The following PTCHD4 variants were observed in gnomAD, a reference collection of about 807,000 sequenced individuals.
The protein encoded by PTCHD4 is patched domain-containing protein 4.
PTCHD4 carries 33 observed loss-of-function variants against 58.1 expected under a neutral mutation model. That is an observed-to-expected ratio of 0.57 (90% CI 0.43 to 0.76). PTCHD4 has a LOEUF of 0.76. Ranked by LOEUF, PTCHD4 falls within the 30% of genes least tolerant of loss-of-function variation. The pLI is 0.00. For synonymous variants in PTCHD4, 478 were observed against 409.6 expected, an observed-to-expected ratio of 1.17 and a Z score of -2.02; for missense variants, 1,058 against 1,027.1, an observed-to-expected ratio of 1.03 and a Z score of -0.41.
intron 4 of PTCHD4, among the ~76,000 whole-genome samples, chr6:47,947,248 T>G (rs1766458654): frequency 1.3e-5 from 2 of 152,176 alleles, no homozygotes; most frequent in South Asian, 4.1e-4. Context: ...AAAGAAAATT[T>G]TATATTGATA....
intron 3 of PTCHD4, among the ~76,000 whole-genome samples, chr6:48,067,061 T>G (rs1230035291): frequency 1.3e-5 from 2 of 152,218 alleles, no homozygotes; most frequent in African/African-American, 4.8e-5. Context: ...AAAAAAATTT[T>G]TTTCTTCTTT....
chr6:47,980,127 T>G (rs911362347), intron 4 of PTCHD4, among the ~76,000 whole-genome samples: 1 of 152,054 alleles, frequency 6.6e-6, no homozygotes, highest in African/African-American at 2.4e-5. Context: ...TTCCCTGCAA[T>G]AACTTTAAAA....
chr6:47,995,963 T>A (rs1311863050), intron 4 of PTCHD4, among the ~76,000 whole-genome samples: 1 of 152,216 alleles, frequency 6.6e-6, no homozygotes, highest in African/African-American at 2.4e-5. Context: ...TTTTCAAACT[T>A]TTAACTTTTA....
In PTCHD4 at chr6:47,999,385, G is replaced by A. The variant is rs141940240; in HGVS notation, c.898+9249C>T. ...CTACAACTGATATGGTTAAGAAATA[G>A]CTCCAACTAAACATTCCAGATGTCA... On this transcript the variant is annotated intron_variant, in intron 4 of 4. Transcript: ENST00000339488. Among the ~76,000 whole-genome samples, 754 of 152,256 alleles carry A rather than the reference G, an allele frequency of 5.0e-3. 5 individuals carry two copies. Among genetic ancestry groups the A allele is most frequent in the African/African-American group, 0.016 (683 of 41,554 alleles).
chr6:47,955,499 C>T lies in PTCHD4; in HGVS notation c.898+53135G>A, dbSNP rs528764993. Among the ~76,000 whole-genome samples, 5 of 152,200 alleles carry T rather than the reference C, an allele frequency of 3.3e-5. No homozygotes were observed. The South Asian group carries it at 1.0e-3, about 32-fold the overall frequency. Reference sequence around the variant, plus strand: ...TAACAAAGGAAAAGTTTGAGTAAATCCAGAAATGATTGACCATTATGGTTG... The same window carrying T: ...TAACAAAGGAAAAGTTTGAGTAAATTCAGAAATGATTGACCATTATGGTTG... On this transcript the variant is annotated intron_variant, in intron 4 of 4. Coordinates refer to ENST00000339488, the MANE Select transcript of PTCHD4 (RefSeq NM_001384253.1).
chr6:47,909,859 T>C (rs927740321), intron 4 of PTCHD4, among the ~76,000 whole-genome samples: 3 of 152,142 alleles, frequency 2.0e-5, no homozygotes, highest in African/African-American at 7.2e-5. Context: ...ATTATAATAT[T>C]ATACATCATA....
At chr6:48,090,801 A>G (rs552509039) in intron 1 of PTCHD4, among the ~76,000 whole-genome samples, 3 of 152,218 alleles carry the variant, frequency 2.0e-5, no homozygotes, top group Non-Finnish European at 4.4e-5. Flanking sequence ...GTTTCACTTC[A>G]GTCTTGATTT....
rs148170782 is a variant in PTCHD4 at position 48,031,334 on chromosome 6, ACCCTGCT to A, written c.418-22227_418-22221del. ...AGTAATTTTTCATCCAGTGACCCAC[ACCCTGCT>A]CCTTGACTGTAAATTACCTTCTGCC... On this transcript the variant is annotated intron_variant, in intron 3 of 4. Coordinates refer to ENST00000339488, the MANE Select transcript of PTCHD4 (RefSeq NM_001384253.1). 6.5e-3 allele frequency among the ~76,000 whole-genome samples: 982 copies of A among 152,022 alleles called. 14 individuals are homozygous for A. The highest frequency in any genetic ancestry group is 0.022 in the African/African-American group (928 of 41,466).
chr6:48,056,591 G>A (rs1010080027), intron 3 of PTCHD4, among the ~76,000 whole-genome samples: 2 of 152,108 alleles, frequency 1.3e-5, no homozygotes, highest in South Asian at 2.1e-4. Flanking sequence ...AATGTAACTC[G>A]GGTTTCTTAA....
intron 1 of PTCHD4, among the ~76,000 whole-genome samples, chr6:48,093,775 A>C (rs1291802649): frequency 1.3e-5 from 2 of 152,176 alleles, no homozygotes; most frequent in African/African-American, 2.4e-5. Flanking sequence ...GAAATTGACT[A>C]TAAAGAAACC....
intron 3 of PTCHD4, among the ~76,000 whole-genome samples, chr6:48,043,186 A>G (rs190547047): frequency 4.4e-4 from 67 of 152,034 alleles, no homozygotes; most frequent in African/African-American, 1.5e-3. Context: ...GAAGGTATGA[A>G]CATACCTTTA....
At chr6:48,067,861 T>C (rs1764852318) in intron 3 of PTCHD4, among the ~76,000 whole-genome samples, 2 of 152,144 alleles carry the variant, frequency 1.3e-5, no homozygotes, top group South Asian at 4.1e-4. Flanking sequence ...TGTTTGGCCT[T>C]GAATTTCTTA....
chr6:47,873,414 C>T lies in PTCHD4; in HGVS notation c.*4889G>A, dbSNP rs1202376275. On this transcript the variant is annotated 3_prime_UTR_variant, in exon 5 of 5. Coordinates refer to ENST00000339488, the MANE Select transcript of PTCHD4 (RefSeq NM_001384253.1). Reference sequence around the variant, plus strand: ...TGTTGCCTGATCTAACTCCACAACACTTCAAACACAGAACACCACCTCTTG... The same window carrying T: ...TGTTGCCTGATCTAACTCCACAACATTTCAAACACAGAACACCACCTCTTG... 6.6e-6 allele frequency among the ~76,000 whole-genome samples: 1 copy of T among 151,690 alleles called. No homozygotes were observed. The highest frequency in any genetic ancestry group is 2.4e-5 in the African/African-American group (1 of 41,378).
At chr6:47,914,641 A>G (rs1196840390) in intron 4 of PTCHD4, among the ~76,000 whole-genome samples, 1 of 149,422 alleles carries the variant, frequency 6.7e-6, no homozygotes. Context: ...ATATTATTAT[A>G]ATTAAAATAT....
chr6:47,878,414 GA>G lies in PTCHD4; in HGVS notation c.2420del (p.Phe807SerfsTer25), dbSNP rs1581812462. 4 of 1,613,432 alleles carry G rather than the reference GA, an allele frequency of 2.5e-6. No individual in the cohort carries two copies. The highest frequency in any genetic ancestry group is 3.4e-6 in the Non-Finnish European group (4 of 1,179,658). Reference sequence around the variant, plus strand: ...TCTTGTGGTGCTTTTTGGAAGGGGGGAAAAACGTTAGGAACACAGGTAAAAT... The same window carrying G: ...TCTTGTGGTGCTTTTTGGAAGGGGGGAAAACGTTAGGAACACAGGTAAAAT... ...FVILPVFLTF[F>X]PPSKKHHKKK... On this transcript the variant is annotated frameshift_variant, in exon 5 of 5. Transcript: ENST00000339488. LOFTEE classifies it high-confidence loss of function.
intron 3 of PTCHD4, among the ~76,000 whole-genome samples, chr6:48,043,850 A>C (rs1763938511): frequency 6.6e-6 from 1 of 151,896 alleles, no homozygotes; most frequent in Non-Finnish European, 1.5e-5. Flanking sequence ...AGCAGATCTT[A>C]AGACAAGATG....
intron 3 of PTCHD4, among the ~76,000 whole-genome samples, chr6:48,021,311 G>T (rs183085326): frequency 4.0e-4 from 61 of 152,130 alleles, no homozygotes; most frequent in Non-Finnish European, 8.8e-5. Flanking sequence ...GTAGGGAAAA[G>T]TGCTAACACA....
At chr6:48,070,123 T>TTGTGTGTGTG (rs66484270) in intron 1 of PTCHD4, among the ~76,000 whole-genome samples, 197 bp from the exon 2 acceptor site, 10 of 146,732 alleles carry the variant, frequency 6.8e-5, no homozygotes, top group South Asian at 2.2e-4. Flanking sequence ...AAGTGTGTGT[T>TTGTGTGTGTG]TGTGTGTGTG....
chr6:48,070,651 T>C (rs1007198472), intron 1 of PTCHD4, among the ~76,000 whole-genome samples: 8 of 152,208 alleles, frequency 5.3e-5, no homozygotes, highest in African/African-American at 1.9e-4. Flanking sequence ...ATTCCCAAAT[T>C]CACAAATTTT....
Sources: gnomAD v4.1 joint callset for allele counts (sites outside exome capture counted in the v4.1 genomes callset) on GRCh38, gnomAD v4.1.1 for gene constraint, MANE v1.5 for transcripts, NCBI Gene and HGNC (gene_info 2026-07-23, HGNC 2026-07-21) for gene names.